Variants in MYO1C observed in about 807,000 individuals in gnomAD.
The protein encoded by MYO1C is myosin IC.
A neutral mutation model predicts 150.8 loss-of-function variants in MYO1C; 104 were observed. The observed-to-expected ratio is 0.69, with a 90% CI of 0.59 to 0.81. The LOEUF is 0.81. MYO1C is among the 30% of genes least tolerant of loss of function. The pLI is 0.00. For missense variants in MYO1C, 1,504 were observed against 1,435.0 expected, an observed-to-expected ratio of 1.05 and a Z score of -0.78; for synonymous variants, 663 against 579.9, an observed-to-expected ratio of 1.14 and a Z score of -2.06.
At chr17:1,475,163 G>A (rs1239766029) in intron 14 of MYO1C, 131 bp from the exon 15 acceptor site, 2 of 873,662 alleles carry the variant, frequency 2.3e-6, no homozygotes, top group African/African-American at 1.7e-5. Context: ...GCTCACGGCT[G>A]TAATCCCAGC....
Position 1,492,190 on chromosome 17 carries a change from G to A in MYO1C, c.75+223C>T, listed in dbSNP as rs182233876. ...GCCCACTGAGGTTCGGGAAGCCGGG[G>A]AAGAGTCAAGCCCAGACCTCCACTT... On this transcript the variant is annotated intron_variant, in intron 1 of 31. Transcript: ENST00000648651. 3.0e-4 allele frequency: 174 copies of A among 582,584 alleles called. 1 individual carries two copies. The highest frequency in any genetic ancestry group is 2.6e-3 in the African/African-American group (142 of 53,616). 36.1% of individuals were successfully genotyped at this position (582,584 alleles called of 1,614,324 possible). A position where few individuals can be genotyped will look rare whatever the true frequency, so the allele number is the denominator to read the frequency against.
rs984771930 is a variant in MYO1C at position 1,488,595 on chromosome 17, G to A, written c.75+3818C>T. On this transcript the variant is annotated intron_variant, in intron 1 of 31. Transcript: ENST00000648651. ...TTGTGCAAGGTCTCAGGAGGAGTGG[G>A]ACTGGAACCCGGGCACTGGAACACC... is the stretch of plus-strand genomic sequence containing the variant. 3.3e-5 allele frequency among the ~76,000 whole-genome samples: 5 copies of A among 152,356 alleles called. No homozygotes were observed. The East Asian group carries it at 9.6e-4, about 29-fold the overall frequency.
At chr17:1,469,159 G>T (rs2074242570) in intron 25 of MYO1C, 2 of 359,590 alleles carry the variant, frequency 5.6e-6, no homozygotes, top group African/African-American at 2.1e-5. Flanking sequence ...GCAGACCGGG[G>T]TAAACAGAGT....
At chr17:1,489,118 G>A (rs1050462963) in intron 1 of MYO1C, among the ~76,000 whole-genome samples, 6 of 152,240 alleles carry the variant, frequency 3.9e-5, no homozygotes, top group African/African-American at 1.4e-4. Flanking sequence ...CAGAAAGGCA[G>A]CCACAGCTTG....
intron 1 of MYO1C, 81 bp from the exon 2 acceptor site, chr17:1,484,384 A>C: frequency 6.5e-7 from 1 of 1,529,304 alleles, no homozygotes; most frequent in Non-Finnish European, 8.9e-7. Context: ...TGGGACTGAG[A>C]GGGAACGTAG....
chr17:1,480,830 A>G lies in MYO1C; in HGVS notation c.683T>C (p.Val228Ala). The change falls in exon 6 of 32, where the codon GTG becomes GCG. Residue 228 changes from valine (V) to alanine (A), a missense_variant. By Grantham distance (64) the Val-to-Ala change is moderately conservative. Transcript: ENST00000648651. ...GTTCCGCTCCCCATGATTCTGGTGC[A>G]CCACTCGTGACTTTTCCAGGAGGTA... ...LSYLLEKSRV[V>A]HQNHGERNFH... The G allele has an allele frequency of 6.2e-7, 1 of 1,614,102 alleles. No individual in the cohort carries two copies. The highest frequency in any genetic ancestry group is 2.2e-5 in the East Asian group (1 of 44,870).
Position 1,478,427 on chromosome 17 carries a change from T to C in MYO1C, c.1278A>G (p.Glu426=). 1.2e-6 allele frequency: 2 copies of C among 1,614,152 alleles called. No individual in the cohort carries two copies. The highest frequency in any genetic ancestry group is 1.7e-6 in the Non-Finnish European group (2 of 1,180,028). Residue 426 remains glutamate (E), a synonymous_variant, in exon 11 of 32, where the codon GAA becomes GAG. Coordinates refer to ENST00000648651, the MANE Select transcript of MYO1C (RefSeq NM_001080779.2). The surrounding 1 kb of genome is among the most constrained non-coding windows in gnomAD (Gnocchi z 6.3). ...VLGLLDIYGF[E]VFQHNSFEQF... ...GCACCGACCTGTTATGCTGAAACAC[T>C]TCAAAGCCATAAATATCCAGGAGCC...
At chr17:1,476,788 G>A (rs1328071753) in intron 14 of MYO1C, among the ~76,000 whole-genome samples, 1 of 151,654 alleles carries the variant, frequency 6.6e-6, no homozygotes, top group Non-Finnish European at 1.5e-5. Flanking sequence ...ATCTTAGCAA[G>A]TTTCATTCTC....
At chr17:1,474,088 A>G (rs2074354099) in intron 17 of MYO1C, among the ~76,000 whole-genome samples, 3 of 151,976 alleles carry the variant, frequency 2.0e-5, no homozygotes, top group Non-Finnish European at 4.4e-5. Flanking sequence ...CACAGCCCAC[A>G]CTGAAGACAC....
At position 1,483,036 on chromosome 17, in the gene MYO1C, TAC is replaced by T. The variant is rs753674080; in HGVS notation, c.369_370del (p.Tyr124ProfsTer70). 3 of 1,610,466 alleles carry T rather than the reference TAC, an allele frequency of 1.9e-6. No individual in the cohort carries two copies. The highest frequency in any genetic ancestry group is 1.7e-6 in the Non-Finnish European group (2 of 1,179,390). On this transcript the variant is annotated frameshift_variant, in exon 4 of 32. Coordinates refer to ENST00000648651, the MANE Select transcript of MYO1C (RefSeq NM_001080779.2). LOFTEE classifies it high-confidence loss of function. ...CCGACGCTCCGTGCGCAGTGCTCGG[TAC>T]ACAGTGTCCGCCACGGCAAACCTGG...
chr17:1,485,549 G>A, intron 1 of MYO1C: 1 of 623,394 alleles, frequency 1.6e-6, no homozygotes, highest in Non-Finnish European at 2.1e-6. Context: ...CCCCGCCTCG[G>A]CCTCCTCCCC....
chr17:1,474,757 T>G (rs1425826022), intron 16 of MYO1C, 55 bp downstream of exon 16: 32 of 1,611,622 alleles, frequency 2.0e-5, no homozygotes, highest in East Asian at 1.3e-4. Context: ...TGGACACAGG[T>G]GCAGAGCTGT....
intron 21 of MYO1C, 136 bp from the exon 22 acceptor site, chr17:1,470,825 A>C (rs955173899): frequency 1.0e-6 from 1 of 1,000,208 alleles, no homozygotes; most frequent in African/African-American, 1.6e-5. Context: ...GTGGTGAAGA[A>C]GAATGAATGT....
In MYO1C at chr17:1,471,894, G is replaced by A; in HGVS notation, c.2021+13C>T. 2 of 1,613,148 alleles carry A rather than the reference G, an allele frequency of 1.2e-6. No homozygotes were observed. The highest frequency in any genetic ancestry group is 1.7e-6 in the Non-Finnish European group (2 of 1,179,206). On this transcript the variant is annotated intron_variant, in intron 19 of 31. Transcript: ENST00000648651. Reference sequence around the variant, plus strand: ...GCTCCCCTTCCCTGGCACCGAGCAGGACCTGCCCCCACCTTTGCAGGAAAG... The same window carrying A: ...GCTCCCCTTCCCTGGCACCGAGCAGAACCTGCCCCCACCTTTGCAGGAAAG...
At chr17:1,466,680 C>G (rs1200498030) in intron 31 of MYO1C, among the ~76,000 whole-genome samples, 2 of 141,926 alleles carry the variant, frequency 1.4e-5, no homozygotes, top group Non-Finnish European at 3.0e-5. Context: ...GCCTGGAGTG[C>G]AGTGGCATGA....
In MYO1C at chr17:1,467,336, G is replaced by A. The variant is rs747222265; in HGVS notation, c.3071C>T (p.Thr1024Met). ...NSININQGSI[T>M]FAGGPGRDGT... Reference sequence around the variant, plus strand: ...ATCCCTGCCGGGGCCCCCTGCAAACGTGATGCTGGGGGAACGGGGTGGGTG... The same window carrying A: ...ATCCCTGCCGGGGCCCCCTGCAAACATGATGCTGGGGGAACGGGGTGGGTG... The change falls in exon 31 of 32, where the codon ACG becomes ATG. Residue 1024 changes from threonine to methionine, a missense_variant. Physicochemically the swap from Thr to Met is moderately conservative, Grantham distance 81. Transcript: ENST00000648651. 7 of 1,612,402 alleles carry A rather than the reference G, an allele frequency of 4.3e-6. No homozygotes were observed. Among genetic ancestry groups the A allele is most frequent in the African/African-American group, 2.7e-5 (2 of 74,882 alleles).
intron 16 of MYO1C, 57 bp from the exon 17 acceptor site, chr17:1,474,747 T>G (rs1297332701): frequency 6.2e-7 from 1 of 1,613,454 alleles, no homozygotes; most frequent in Non-Finnish European, 8.5e-7. Flanking sequence ...GACAGGCTCC[T>G]GGACACAGGT....
Position 1,477,936 on chromosome 17 carries a change from G to T in MYO1C, c.1437C>A (p.Ile479=). Residue 479 remains isoleucine, a synonymous_variant, in exon 13 of 32, where the codon ATC becomes ATA. Coordinates refer to ENST00000648651, the MANE Select transcript of MYO1C (RefSeq NM_001080779.2). ...EPVQYFNNKI[I]CDLVEEKFKG... The stretch of plus-strand genomic sequence containing the variant: ...TAAACTTCTCCTCCACCAGATCACA[G>T]ATGATTTTGTTGTTGAAATACTGGA... 1 of 1,614,206 alleles carries T rather than the reference G, an allele frequency of 6.2e-7. No homozygotes were observed. Among genetic ancestry groups the T allele is most frequent in the East Asian group, 2.2e-5 (1 of 44,870 alleles).
rs771548730 is a variant in MYO1C at position 1,492,494 on chromosome 17, CTGCG to C, written c.-11_-8del. On this transcript the variant is annotated 5_prime_UTR_variant, in exon 1 of 32. Transcript: ENST00000648651. ...GCTCCACTTGCAGCGCCATTCCGCC[CTGCG>C]GAGAGCCAGCGGCCTGGGCACCGCG... The C allele has an allele frequency of 6.3e-7, 1 of 1,596,486 alleles. No homozygotes were observed. Among genetic ancestry groups the C allele is most frequent in the East Asian group, 2.3e-5 (1 of 43,628 alleles).
Sources: allele counts gnomAD v4.1 joint callset (sites outside exome capture counted in the v4.1 genomes callset), GRCh38; gene constraint gnomAD v4.1.1; non-coding constraint Gnocchi (gnomAD v3.1); transcripts MANE v1.5; gene names NCBI Gene and HGNC (gene_info 2026-07-23, HGNC 2026-07-21).